The following CAMTA1 variants were observed in gnomAD, a reference collection of about 807,000 sequenced individuals.
The protein encoded by CAMTA1 is calmodulin-binding transcription activator 1.
In CAMTA1, 27 loss-of-function variants were observed where a neutral mutation model predicts 170.9. The observed-to-expected ratio is 0.16, with a 90% confidence interval of 0.12 to 0.22. The LOEUF is 0.22. Among genes scored for constraint, CAMTA1 ranks in the 10% least tolerant of loss-of-function variants. The pLI is 1.00. For synonymous variants in CAMTA1, 833 were observed against 891.5 expected (o/e 0.93, Z 1.17); for missense variants, 1,619 against 2,217.2 (o/e 0.73, Z 5.42).
At chr1:7,756,692 T>TA (rs2096933741) in intron 22 of CAMTA1, among the ~76,000 whole-genome samples, 1 of 151,662 alleles carries the variant, frequency 6.6e-6, no homozygotes, top group South Asian at 2.1e-4. Flanking sequence ...CTACAAAAGA[T>TA]AAAAAATTAA....
At position 7,565,268 on chromosome 1, in the gene CAMTA1, G is replaced by A. The variant is rs556412623; in HGVS notation, c.511-75132G>A. On this transcript the variant is annotated intron_variant, in intron 6 of 22. Coordinates refer to ENST00000303635, the MANE Select transcript of CAMTA1 (RefSeq NM_015215.4). The surrounding 1 kb of genome is among the most constrained non-coding windows in gnomAD (Gnocchi z 4.5). The stretch of plus-strand genomic sequence containing the variant: ...GAGATGTAGCTGCCATAAAGGGCTG[G>A]AGAAGTGGGCGCTGCCTTTGGGGCC... Among the ~76,000 whole-genome samples, 102 of 152,304 alleles carry A rather than the reference G, an allele frequency of 6.7e-4. No homozygotes were observed. Among genetic ancestry groups the A allele is most frequent in the Admixed American group, 1.2e-3 (18 of 15,306 alleles).
At chr1:7,523,421 T>C (rs990101716) in intron 6 of CAMTA1, among the ~76,000 whole-genome samples, 1 of 152,236 alleles carries the variant, frequency 6.6e-6, no homozygotes. Context: ...ATTAAACCTA[T>C]AGATAAATCG....
chr1:7,716,689 G>A (rs1014461386), intron 11 of CAMTA1, among the ~76,000 whole-genome samples: 2 of 152,164 alleles, frequency 1.3e-5, no homozygotes, highest in Non-Finnish European at 2.9e-5. Flanking sequence ...TGAGAGCCAA[G>A]CCTTGCCAAT....
At chr1:7,308,978 T>C (rs1676022301) in intron 5 of CAMTA1, among the ~76,000 whole-genome samples, 1 of 152,240 alleles carries the variant, frequency 6.6e-6, no homozygotes, top group Non-Finnish European at 1.5e-5. Flanking sequence ...TTTTGCTTCA[T>C]ATATTTGAAA....
chr1:7,186,961 A>G (rs1301326506), intron 4 of CAMTA1, among the ~76,000 whole-genome samples: 1 of 151,888 alleles, frequency 6.6e-6, no homozygotes, highest in African/African-American at 2.4e-5. Context: ...TGGTGGGTAA[A>G]ATTCAGAGTC....
At chr1:7,709,183 C>A (rs1256278405) in intron 11 of CAMTA1, among the ~76,000 whole-genome samples, 2 of 152,172 alleles carry the variant, frequency 1.3e-5, no homozygotes, top group Non-Finnish European at 2.9e-5. Context: ...TCTCCCCTCC[C>A]AGATTAGATT....
rs182521000 is a variant in CAMTA1 at position 7,015,654 on chromosome 1, G to A, written c.235-75650G>A. Among the ~76,000 whole-genome samples the A allele has an allele frequency of 5.3e-5, 8 of 152,288 alleles. No homozygotes were observed. The East Asian group carries it at 1.2e-3, about 22-fold the overall frequency. ...CTCCACCACATCCTGCAGTGTATTC[G>A]TCTGTTTTCGCATTGCTATAAAGAA... On this transcript the variant is annotated intron_variant, in intron 3 of 22. Transcript: ENST00000303635.
At position 7,256,453 on chromosome 1, in the gene CAMTA1, G is replaced by A. The variant is rs577778851; in HGVS notation, c.438+6827G>A. ...CGGGCACCTATAGTCCCAGCTACTCGGGAGGCTGAGGCAGGAGAATGGCGT... is the reference window on the plus strand; with the variant it reads ...CGGGCACCTATAGTCCCAGCTACTCAGGAGGCTGAGGCAGGAGAATGGCGT... On this transcript the variant is annotated intron_variant, in intron 5 of 22. Transcript: ENST00000303635. Among the ~76,000 whole-genome samples, 8 of 152,298 alleles carry A rather than the reference G, an allele frequency of 5.3e-5. No homozygotes were observed. In the East Asian group the frequency reaches 9.7e-4, roughly 18 times the overall value.
intron 11 of CAMTA1, among the ~76,000 whole-genome samples, chr1:7,711,559 C>A (rs2096570873): frequency 6.6e-6 from 1 of 152,172 alleles, no homozygotes; most frequent in African/African-American, 2.4e-5. Flanking sequence ...CTCATGGTCC[C>A]ATTTTAAATG....
intron 5 of CAMTA1, among the ~76,000 whole-genome samples, chr1:7,465,335 C>A (rs1292680454): frequency 1.3e-5 from 2 of 152,176 alleles, no homozygotes; most frequent in African/African-American, 4.8e-5. Flanking sequence ...GGGTCCCATT[C>A]CCTGTGGGCT....
At chr1:7,409,490 TGA>T (rs1453666025) in intron 5 of CAMTA1, among the ~76,000 whole-genome samples, 2 of 152,156 alleles carry the variant, frequency 1.3e-5, no homozygotes, top group Admixed American at 6.5e-5. Context: ...GCCCCGCCCT[TGA>T]GGGCAGAGTC....
At chr1:6,857,180 C>T (rs923521712) in intron 3 of CAMTA1, among the ~76,000 whole-genome samples, 4 of 152,078 alleles carry the variant, frequency 2.6e-5, no homozygotes, top group African/African-American at 7.2e-5. Flanking sequence ...TGAAAGTTAA[C>T]GGTGGAGGTG....
At chr1:7,116,926 A>G (rs1644368752) in intron 4 of CAMTA1, among the ~76,000 whole-genome samples, 1 of 151,562 alleles carries the variant, frequency 6.6e-6, no homozygotes, top group South Asian at 2.1e-4. Flanking sequence ...TGCTGGGATT[A>G]CAGGCTTGAG....
chr1:7,282,928 A>G lies in CAMTA1; in HGVS notation c.438+33302A>G, dbSNP rs75887928. On this transcript the variant is annotated intron_variant, in intron 5 of 22. Transcript: ENST00000303635. ...CAGTAGCACCAAGACAGGGAGCTCC[A>G]AGACAAGGACAATATGACAAAATGT... Among the ~76,000 whole-genome samples the G allele has an allele frequency of 2.2e-4, 33 of 151,066 alleles. No homozygotes were observed. In the East Asian group the frequency reaches 5.9e-3, roughly 27 times the overall value.
intron 3 of CAMTA1, among the ~76,000 whole-genome samples, chr1:6,943,155 A>C (rs1344265521): frequency 1.3e-5 from 2 of 151,722 alleles, no homozygotes; most frequent in African/African-American, 2.4e-5. Context: ...CGGTTAACAC[A>C]GCCACTCCGG....
In CAMTA1 at chr1:7,671,132, T is replaced by C. The variant is rs543954815; in HGVS notation, c.2779+95T>C. On this transcript the variant is annotated intron_variant, in intron 10 of 22. Transcript: ENST00000303635. ...CCTTGGGGTGACCTTGAGCAGGTCA[T>C]GTCCTTACTCTAGGCCTCAGTTTCC... 1.0e-5 allele frequency: 14 copies of C among 1,358,056 alleles called. No individual in the cohort carries two copies. The East Asian group carries it at 2.3e-4, about 22-fold the overall frequency. 84.1% of individuals were successfully genotyped at this position (1,358,056 alleles called of 1,614,324 possible). A position where few individuals can be genotyped will look rare whatever the true frequency, so the allele number is the denominator to read the frequency against.
chr1:6,822,699 T>C (rs537357934), intron 2 of CAMTA1, among the ~76,000 whole-genome samples: 2 of 152,208 alleles, frequency 1.3e-5, no homozygotes, highest in East Asian at 3.9e-4. Context: ...TGGTCACATT[T>C]ACCACTGCCT....
chr1:6,842,354 T>G (rs937765846), intron 3 of CAMTA1, among the ~76,000 whole-genome samples: 2 of 152,156 alleles, frequency 1.3e-5, no homozygotes, highest in African/African-American at 4.8e-5. Flanking sequence ...CTCCTCCTGC[T>G]CCTAGTCCAG....
chr1:7,758,147 A>G (rs979320435), intron 22 of CAMTA1, among the ~76,000 whole-genome samples: 4 of 152,202 alleles, frequency 2.6e-5, no homozygotes, highest in Middle Eastern at 6.3e-3. Flanking sequence ...TGCAATTAAT[A>G]TCACCTGCTG....
Sources: allele counts gnomAD v4.1 joint callset (sites outside exome capture counted in the v4.1 genomes callset), GRCh38; gene constraint gnomAD v4.1.1; non-coding constraint Gnocchi (gnomAD v3.1); transcripts MANE v1.5; gene names NCBI Gene and HGNC (gene_info 2026-07-23, HGNC 2026-07-21).